Variants in MTMR7 observed in about 807,000 individuals in gnomAD.
The protein encoded by MTMR7 is phosphatidylinositol-3-phosphate phosphatase MTMR7.
Under a neutral mutation model 81.2 loss-of-function variants are expected in MTMR7, and 76 were observed. That is an observed-to-expected ratio of 0.94 (90% CI 0.78 to 1.13). The LOEUF (loss-of-function observed/expected upper bound fraction) is 1.13, where lower values mean the gene tolerates loss of function less well. MTMR7 is among the 50% of genes most tolerant of loss of function. The pLI is 0.00. For synonymous variants in MTMR7, 372 were observed against 289.8 expected (o/e 1.28, Z -2.88); for missense variants, 1,044 against 820.0 (o/e 1.27, Z -3.34).
intron 1 of MTMR7, among the ~76,000 whole-genome samples, chr8:17,404,817 GTTGTTTTGTTTTTGTT>G (rs774541728): frequency 6.6e-6 from 1 of 151,746 alleles, no homozygotes; most frequent in Non-Finnish European, 1.5e-5. Context: ...TTGTTTTGTT[GTTGTTTTGTTTTTGTT>G]TTGTTTTGTT....
intron 7 of MTMR7, among the ~76,000 whole-genome samples, chr8:17,321,833 T>C (rs946316731): frequency 1.3e-5 from 2 of 152,272 alleles, no homozygotes; most frequent in Admixed American, 1.3e-4. Flanking sequence ...GACAACTACA[T>C]GTCACAAACA....
At chr8:17,390,966 C>A (rs1031344787) in intron 1 of MTMR7, among the ~76,000 whole-genome samples, 4 of 152,170 alleles carry the variant, frequency 2.6e-5, no homozygotes, top group Non-Finnish European at 4.4e-5. Flanking sequence ...ATATCAGGTG[C>A]CCAGGGAAGT....
At chr8:17,341,986 C>T (rs967280416) in intron 5 of MTMR7, among the ~76,000 whole-genome samples, 7 of 151,232 alleles carry the variant, frequency 4.6e-5, no homozygotes, top group Non-Finnish European at 7.4e-5. Context: ...TAATTCTAAA[C>T]GGGAAACTTT....
chr8:17,403,982 G>C (rs1821502450), intron 1 of MTMR7, among the ~76,000 whole-genome samples: 1 of 152,066 alleles, frequency 6.6e-6, no homozygotes, highest in Non-Finnish European at 1.5e-5. Flanking sequence ...GGAGTCTTTA[G>C]GTTTTTCCAA....
At chr8:17,356,905 G>A (rs144218828) in intron 4 of MTMR7, among the ~76,000 whole-genome samples, 175 of 152,192 alleles carry the variant, frequency 1.1e-3, no homozygotes, top group African/African-American at 3.9e-3. Flanking sequence ...ATATGTCCAC[G>A]CAAACACTTT....
chr8:17,379,416 A>C (rs535976984), intron 1 of MTMR7, among the ~76,000 whole-genome samples: 14 of 152,326 alleles, frequency 9.2e-5, no homozygotes, highest in Middle Eastern at 3.4e-3. Flanking sequence ...CATTTGAAGG[A>C]AAGATGCCTG....
intron 1 of MTMR7, among the ~76,000 whole-genome samples, chr8:17,405,209 G>T (rs1409896008): frequency 6.6e-6 from 1 of 152,176 alleles, no homozygotes; most frequent in Non-Finnish European, 1.5e-5. Context: ...AATACTAGGG[G>T]ATTCACTGTC....
intron 1 of MTMR7, among the ~76,000 whole-genome samples, chr8:17,390,761 T>C (rs1263871675): frequency 1.3e-5 from 2 of 151,994 alleles, no homozygotes; most frequent in Non-Finnish European, 1.5e-5. Flanking sequence ...GAGAGAGAAG[T>C]ACAGAATGAA....
At chr8:17,306,022 G>A in intron 10 of MTMR7, 65 bp from the exon 11 acceptor site, 3 of 1,355,828 alleles carry the variant, frequency 2.2e-6, no homozygotes, top group Non-Finnish European at 3.0e-6. Context: ...AGCCATAAAT[G>A]CAAAAACAAC....
intron 8 of MTMR7, among the ~76,000 whole-genome samples, chr8:17,312,529 C>T (rs1323145192): frequency 2.2e-5 from 3 of 135,578 alleles, no homozygotes; most frequent in African/African-American, 8.4e-5. Context: ...AAGCTGAGAT[C>T]GTGCCACTGC....
At chr8:17,319,547 G>A (rs940923471) in intron 7 of MTMR7, among the ~76,000 whole-genome samples, 1 of 152,112 alleles carries the variant, frequency 6.6e-6, no homozygotes, top group African/African-American at 2.4e-5. Context: ...ACCTTGGTGG[G>A]TTTTACCAGA....
chr8:17,338,174 G>T (rs1819306931), intron 6 of MTMR7, among the ~76,000 whole-genome samples: 2 of 152,174 alleles, frequency 1.3e-5, no homozygotes, highest in African/African-American at 2.4e-5. Flanking sequence ...TGAGAAGAGG[G>T]CATGGCTTGT....
chr8:17,317,603 A>C (rs982713302), intron 7 of MTMR7, among the ~76,000 whole-genome samples: 4 of 152,070 alleles, frequency 2.6e-5, no homozygotes, highest in African/African-American at 9.7e-5. Flanking sequence ...TCTCTTGTGG[A>C]AGTGTGGAAA....
chr8:17,333,961 A>AT (rs1488408878), intron 6 of MTMR7, among the ~76,000 whole-genome samples: 2 of 152,216 alleles, frequency 1.3e-5, no homozygotes, highest in African/African-American at 4.8e-5. Context: ...TGTAGAATAG[A>AT]TTTTTTAAAC....
chr8:17,353,689 T>C (rs904832315), intron 4 of MTMR7, among the ~76,000 whole-genome samples: 1 of 152,248 alleles, frequency 6.6e-6, no homozygotes, highest in African/African-American at 2.4e-5. Context: ...GTTTTTCTCC[T>C]GAATTTTCTT....
intron 7 of MTMR7, among the ~76,000 whole-genome samples, chr8:17,323,289 G>A (rs938680800): frequency 6.6e-6 from 1 of 152,018 alleles, no homozygotes; most frequent in African/African-American, 2.4e-5. Flanking sequence ...GGGCTCAGAT[G>A]CTAGCAACAC....
chr8:17,339,683 G>C (rs534042307), intron 6 of MTMR7, among the ~76,000 whole-genome samples: 4 of 152,150 alleles, frequency 2.6e-5, no homozygotes, highest in Non-Finnish European at 5.9e-5. Flanking sequence ...TACATTTTAG[G>C]CTATTACTAA....
intron 13 of MTMR7, 52 bp from the exon 14 acceptor site, chr8:17,300,276 T>C (rs754229178): frequency 2.0e-6 from 3 of 1,538,234 alleles, no homozygotes; most frequent in Non-Finnish European, 2.6e-6. Flanking sequence ...ACTTATCTTT[T>C]TCTATATATG....
chr8:17,362,415 G>T (rs1044270353), intron 3 of MTMR7, among the ~76,000 whole-genome samples: 2 of 152,166 alleles, frequency 1.3e-5, no homozygotes, highest in African/African-American at 4.8e-5. Flanking sequence ...CTGATACTCA[G>T]ACCTTGTTTT....
Sources: allele counts gnomAD v4.1 joint callset (sites outside exome capture counted in the v4.1 genomes callset), GRCh38; gene constraint gnomAD v4.1.1; transcripts MANE v1.5; gene names NCBI Gene and HGNC (gene_info 2026-07-23, HGNC 2026-07-21).